The following MYRIP variants were observed in gnomAD, a reference collection of about 807,000 sequenced individuals.
MYRIP encodes the protein rab effector MyRIP.
MYRIP carries 49 observed loss-of-function variants against 98.0 expected under a neutral mutation model. That is an observed-to-expected ratio of 0.50 (90% CI 0.40 to 0.63). The LOEUF is 0.63. Ranked by LOEUF, MYRIP falls within the 30% of genes least tolerant of loss-of-function variation. MYRIP has a pLI of 0.00. For synonymous variants in MYRIP, 404 were observed against 409.5 expected (o/e 0.99, Z 0.16); for missense variants, 1,004 against 1,058.2 (o/e 0.95, Z 0.71).
intron 2 of MYRIP, among the ~76,000 whole-genome samples, chr3:40,038,674 A>C (rs986142853): frequency 6.6e-6 from 1 of 152,148 alleles, no homozygotes; most frequent in African/African-American, 2.4e-5. Context: ...CATAATTAAA[A>C]TAGTATAAAT....
chr3:39,958,969 G>A (rs544116312), intron 2 of MYRIP, among the ~76,000 whole-genome samples: 6,528 of 150,994 alleles, frequency 0.043, 284 homozygotes, highest in African/African-American at 0.15. Flanking sequence ...AATCAAAACC[G>A]CAATGAGATA....
chr3:39,868,854 C>T (rs1243745642), intron 1 of MYRIP, among the ~76,000 whole-genome samples: 1 of 152,120 alleles, frequency 6.6e-6, no homozygotes, highest in African/African-American at 2.4e-5. Flanking sequence ...CTTTCATTTT[C>T]TTTGAATATG....
At chr3:39,945,331 AAAAAG>A (rs1944875502) in intron 2 of MYRIP, among the ~76,000 whole-genome samples, 1 of 141,444 alleles carries the variant, frequency 7.1e-6, no homozygotes, top group Non-Finnish European at 1.5e-5. Context: ...AAAAAAAAAA[AAAAAG>A]CTGTGCATGA....
intron 2 of MYRIP, among the ~76,000 whole-genome samples, chr3:39,983,596 G>T (rs1945948201): frequency 6.6e-6 from 1 of 152,160 alleles, no homozygotes; most frequent in Admixed American, 6.5e-5. Context: ...CCAGGGGAGG[G>T]CTGGGGGTAC....
rs1215319587 is a variant in MYRIP at position 40,024,570 on chromosome 3, G to GTT, written c.111-19467_111-19466dup. On this transcript the variant is annotated intron_variant, in intron 2 of 16. Transcript: ENST00000302541. ...TCTGTAGGCTAGATGCTTTTTGTGG[G>GTT]TTTTTTTTTTTTTTACATGTCCCTG... Among the ~76,000 whole-genome samples, 1,005 of 146,020 alleles carry GTT rather than the reference G, an allele frequency of 6.9e-3. 7 individuals carry two copies. Among genetic ancestry groups the GTT allele is most frequent in the Middle Eastern group, 0.017 (5 of 286 alleles).
chr3:40,024,036 C>T (rs1947065971), intron 2 of MYRIP, among the ~76,000 whole-genome samples: 1 of 152,136 alleles, frequency 6.6e-6, no homozygotes, highest in Non-Finnish European at 1.5e-5. Context: ...ATGGGCTACA[C>T]ATAAGAAAGT....
At chr3:39,979,294 A>G (rs746030342) in intron 2 of MYRIP, among the ~76,000 whole-genome samples, 1 of 152,142 alleles carries the variant, frequency 6.6e-6, no homozygotes, top group Admixed American at 6.5e-5. Context: ...CTTTCAAACT[A>G]TATTTTTAAT....
intron 3 of MYRIP, among the ~76,000 whole-genome samples, chr3:40,093,969 T>C (rs1364823392): frequency 6.6e-6 from 1 of 152,154 alleles, no homozygotes; most frequent in East Asian, 1.9e-4. Context: ...GGGGACACTC[T>C]GTCTTTCCTA....
intron 2 of MYRIP, among the ~76,000 whole-genome samples, chr3:39,956,738 G>A (rs1161934395): frequency 6.6e-6 from 1 of 151,440 alleles, no homozygotes; most frequent in South Asian, 2.1e-4. Context: ...ATGAATCCAG[G>A]AGCTTGTATT....
chr3:39,814,043 C>G (rs569412259), intron 1 of MYRIP, among the ~76,000 whole-genome samples: 8 of 152,132 alleles, frequency 5.3e-5, no homozygotes, highest in Admixed American at 3.3e-4. Flanking sequence ...TTTTCTACCT[C>G]TTGGTATTAT....
At chr3:40,191,215 C>T (rs145529922) in intron 10 of MYRIP, among the ~76,000 whole-genome samples, 4 of 152,294 alleles carry the variant, frequency 2.6e-5, no homozygotes, top group African/African-American at 9.6e-5. Context: ...CACACATGCA[C>T]ACTCACACAT....
intron 11 of MYRIP, 90 bp from the exon 12 acceptor site, chr3:40,233,769 A>C (rs1952734848): frequency 8.2e-7 from 1 of 1,218,728 alleles, no homozygotes; most frequent in Admixed American, 2.2e-5. Flanking sequence ...CAACCTCATG[A>C]TGATGAGTGT....
intron 3 of MYRIP, among the ~76,000 whole-genome samples, chr3:40,120,620 T>A (rs1949382987): frequency 6.6e-6 from 1 of 152,154 alleles, no homozygotes; most frequent in Admixed American, 6.5e-5. Flanking sequence ...CACTGACTGA[T>A]ATGGTTGAGG....
intron 2 of MYRIP, among the ~76,000 whole-genome samples, chr3:39,935,071 G>T (rs1287179398): frequency 6.6e-6 from 1 of 152,192 alleles, no homozygotes; most frequent in Non-Finnish European, 1.5e-5. Context: ...GGGCTGATCT[G>T]CCCCTGGCAT....
intron 3 of MYRIP, among the ~76,000 whole-genome samples, chr3:40,120,676 G>A (rs895353652): frequency 2.6e-5 from 4 of 152,252 alleles, no homozygotes; most frequent in African/African-American, 9.6e-5. Context: ...TCAGTTCCCA[G>A]ATCACACAGA....
intron 2 of MYRIP, among the ~76,000 whole-genome samples, chr3:39,902,501 G>A (rs1943765824): frequency 6.6e-6 from 1 of 152,136 alleles, no homozygotes; most frequent in Non-Finnish European, 1.5e-5. Flanking sequence ...GATCAGTTTT[G>A]TGCCCCAATC....
chr3:39,871,682 A>T (rs1272271707), intron 1 of MYRIP, among the ~76,000 whole-genome samples: 2 of 152,146 alleles, frequency 1.3e-5, no homozygotes, highest in Non-Finnish European at 2.9e-5. Context: ...GATAGCTACT[A>T]TCATTATTAT....
intron 3 of MYRIP, among the ~76,000 whole-genome samples, chr3:40,144,820 GGAGA>G (rs1167472749): frequency 2.0e-5 from 3 of 152,072 alleles, no homozygotes; most frequent in East Asian, 1.9e-4. Context: ...AAAATAAATT[GGAGA>G]GAGAGAGTCT....
In MYRIP at chr3:39,987,861, G is replaced by A. The variant is rs373754309; in HGVS notation, c.111-56189G>A. Among the ~76,000 whole-genome samples the A allele has an allele frequency of 8.6e-4, 131 of 152,092 alleles. 2 individuals carry two copies. In the South Asian group the frequency reaches 0.023, roughly 27 times the overall value. On this transcript the variant is annotated intron_variant, in intron 2 of 16. Coordinates refer to ENST00000302541, the MANE Select transcript of MYRIP (RefSeq NM_015460.4). ...TGCTGCTATAAAGACACATGCACAC[G>A]TATGTTTATTGTGGCACTATTCACA...
Sources: allele counts gnomAD v4.1 joint callset (sites outside exome capture counted in the v4.1 genomes callset), GRCh38; gene constraint gnomAD v4.1.1; transcripts MANE v1.5; gene names NCBI Gene and HGNC (gene_info 2026-07-23, HGNC 2026-07-21).